The following TCF7L1 variants were observed in gnomAD, a reference collection of about 807,000 sequenced individuals.
TCF7L1 encodes the protein transcription factor 7-like 1.
TCF7L1 carries 18 observed loss-of-function variants against 63.7 expected under a neutral mutation model. The observed-to-expected ratio is 0.28, with a 90% CI of 0.20 to 0.42. The LOEUF is 0.42. Ranked by LOEUF, TCF7L1 falls within the 10% of genes least tolerant of loss-of-function variation. The pLI, the probability that TCF7L1 is intolerant of heterozygous loss-of-function variation, is 1.00. For missense variants in TCF7L1, 654 were observed against 779.3 expected (o/e 0.84, Z 1.91); for synonymous variants, 355 against 340.9 (o/e 1.04, Z -0.46).
chr2:85,161,359 G>C (rs777568275), intron 3 of TCF7L1, among the ~76,000 whole-genome samples: 28 of 152,338 alleles, frequency 1.8e-4, no homozygotes, highest in Admixed American at 2.0e-4. Flanking sequence ...ATGGGCCCTA[G>C]CTAGAGGGGC....
At chr2:85,268,536 C>G (rs112058450) in intron 3 of TCF7L1, among the ~76,000 whole-genome samples, 1 of 146,694 alleles carries the variant, frequency 6.8e-6, no homozygotes, top group Non-Finnish European at 1.5e-5. Context: ...TGCAGTGGCA[C>G]GATTTCGGTT....
chr2:85,146,384 A>G (rs1343696432), intron 3 of TCF7L1, among the ~76,000 whole-genome samples: 1 of 152,214 alleles, frequency 6.6e-6, no homozygotes, highest in African/African-American at 2.4e-5. Flanking sequence ...GTGACAATGC[A>G]TGAAAATGCC....
Position 85,250,735 on chromosome 2 carries a change from C to T in TCF7L1, c.442-32760C>T, listed in dbSNP as rs140686733. Among the ~76,000 whole-genome samples the T allele has an allele frequency of 3.3e-5, 5 of 152,248 alleles. No individual in the cohort carries two copies. In the South Asian group the frequency reaches 6.2e-4, roughly 19 times the overall value. On this transcript the variant is annotated intron_variant, in intron 3 of 11. Transcript: ENST00000282111. ...ACAGGCGTGATCCACCATGCCCAGC[C>T]GAAAAATGAGATTTTTAATAAGCCT...
chr2:85,147,513 T>C (rs1196634775), intron 3 of TCF7L1, among the ~76,000 whole-genome samples: 1 of 151,858 alleles, frequency 6.6e-6, no homozygotes, highest in Admixed American at 6.6e-5. Context: ...GGGAGGGGAC[T>C]CCTGGCTCTT....
At chr2:85,280,168 TTCTC>T (rs1243512461) in intron 3 of TCF7L1, among the ~76,000 whole-genome samples, 1 of 152,150 alleles carries the variant, frequency 6.6e-6, no homozygotes, top group Non-Finnish European at 1.5e-5. Context: ...GGAGGGAAGA[TTCTC>T]TCCCTCAGCC....
At chr2:85,257,245 G>A (rs1020284378) in intron 3 of TCF7L1, among the ~76,000 whole-genome samples, 1 of 151,974 alleles carries the variant, frequency 6.6e-6, no homozygotes, top group Non-Finnish European at 1.5e-5. Context: ...CGAGATTTGT[G>A]TACTTGCTTA....
intron 3 of TCF7L1, among the ~76,000 whole-genome samples, chr2:85,223,699 T>C (rs915020366): frequency 6.6e-6 from 1 of 152,220 alleles, no homozygotes; most frequent in Non-Finnish European, 1.5e-5. Flanking sequence ...CCGCAAGGCA[T>C]ACACTTTCTA....
At chr2:85,149,947 G>A (rs72838199) in intron 3 of TCF7L1, among the ~76,000 whole-genome samples, 4,153 of 152,320 alleles carry the variant, frequency 0.027, 86 homozygotes, top group Non-Finnish European at 0.036. Context: ...CTCTAAATAA[G>A]ATGAAGGGAC....
At chr2:85,163,028 C>T (rs1455742432) in intron 3 of TCF7L1, among the ~76,000 whole-genome samples, 1 of 152,120 alleles carries the variant, frequency 6.6e-6, no homozygotes, top group African/African-American at 2.4e-5. Flanking sequence ...AAAATAAACA[C>T]AAAATGCACT....
intron 3 of TCF7L1, among the ~76,000 whole-genome samples, chr2:85,158,220 G>A (rs1678196253): frequency 6.6e-6 from 1 of 152,180 alleles, no homozygotes; most frequent in Non-Finnish European, 1.5e-5. Flanking sequence ...CTCCTGCTCT[G>A]GCTTCTGCAG....
At chr2:85,241,127 TG>T (rs766599321) in intron 3 of TCF7L1, among the ~76,000 whole-genome samples, 4 of 152,214 alleles carry the variant, frequency 2.6e-5, no homozygotes, top group Non-Finnish European at 5.9e-5. Flanking sequence ...TTAACTCAAT[TG>T]GGAAGGGCCC....
At chr2:85,234,135 T>C (rs1220136334) in intron 3 of TCF7L1, among the ~76,000 whole-genome samples, 1 of 129,578 alleles carries the variant, frequency 7.7e-6, no homozygotes, top group South Asian at 2.5e-4. Context: ...TCTTTTCTTT[T>C]TTTTTTTTTT....
intron 7 of TCF7L1, 47 bp downstream of exon 7, chr2:85,304,385 C>T (rs757268708): frequency 3.0e-5 from 48 of 1,588,108 alleles, no homozygotes; most frequent in East Asian, 1.6e-4. Flanking sequence ...TTAGCAACCA[C>T]GCCATTTCTG....
intron 3 of TCF7L1, among the ~76,000 whole-genome samples, chr2:85,135,483 G>A (rs1018094199): frequency 6.6e-6 from 1 of 152,182 alleles, no homozygotes; most frequent in Admixed American, 6.5e-5. Context: ...GGGTAAGGGG[G>A]CAGGGAGTGT....
intron 3 of TCF7L1, among the ~76,000 whole-genome samples, chr2:85,177,433 G>GGT (rs915691191): frequency 3.8e-4 from 58 of 152,350 alleles, no homozygotes; most frequent in African/African-American, 1.3e-3. Flanking sequence ...GACCTGGAGT[G>GGT]GTGGCTCATG....
chr2:85,248,495 GCT>G, intron 3 of TCF7L1, among the ~76,000 whole-genome samples: 1 of 152,298 alleles, frequency 6.6e-6, no homozygotes, highest in African/African-American at 2.4e-5. Flanking sequence ...CCCCCAGGAG[GCT>G]GTTTCCATGG....
rs1297182078 is a variant in TCF7L1, at chr2:85,306,384, C to T, written c.1149+19C>T. The stretch of plus-strand genomic sequence containing the variant: ...AAGAAAGGTAAGACCTGCCCTCTCC[C>T]TCCAGGCCAGGGAGGCAGCGTCCCT... On this transcript the variant is annotated intron_variant, in intron 9 of 11. Coordinates refer to ENST00000282111, the MANE Select transcript of TCF7L1 (RefSeq NM_031283.3). The surrounding 1 kb of genome is among the most constrained non-coding windows in gnomAD (Gnocchi z 4.3). 1 of 1,613,340 alleles carries T rather than the reference C, an allele frequency of 6.2e-7. No homozygotes were observed. The highest frequency in any genetic ancestry group is 2.2e-5 in the East Asian group (1 of 44,846).
intron 3 of TCF7L1, among the ~76,000 whole-genome samples, chr2:85,233,560 C>T (rs1057087173): frequency 1.4e-4 from 21 of 152,156 alleles, no homozygotes; most frequent in African/African-American, 4.3e-4. Context: ...GTGATCTGCC[C>T]GCCTCAGCCT....
intron 3 of TCF7L1, among the ~76,000 whole-genome samples, chr2:85,136,842 A>G (rs939848741): frequency 6.6e-6 from 1 of 152,132 alleles, no homozygotes; most frequent in African/African-American, 2.4e-5. Context: ...TAGGGTGGAG[A>G]TGATGGTTTT....
Sources: gnomAD v4.1 joint callset for allele counts (sites outside exome capture counted in the v4.1 genomes callset) on GRCh38, gnomAD v4.1.1 for gene constraint, Gnocchi (gnomAD v3.1) non-coding constraint, MANE v1.5 for transcripts, NCBI Gene and HGNC (gene_info 2026-07-23, HGNC 2026-07-21) for gene names.